FSHR: variants seen among roughly 807,000 people sequenced by gnomAD.
The protein encoded by FSHR is follicle-stimulating hormone receptor.
Under a neutral mutation model 52.1 loss-of-function variants are expected in FSHR, and 46 were observed. That is an observed-to-expected ratio of 0.88 (90% CI 0.70 to 1.13). FSHR has a LOEUF of 1.13. FSHR is among the 50% of genes most tolerant of loss of function. The probability of loss-of-function intolerance (pLI) is 0.00; values close to 1 mark genes in which losing one functional copy is unlikely to be tolerated. For missense variants in FSHR, 964 were observed against 834.6 expected (o/e 1.16, Z -1.91); for synonymous variants, 399 against 309.6 (o/e 1.29, Z -3.03).
chr2:49,099,027 G>A (rs62162135), intron 1 of FSHR, among the ~76,000 whole-genome samples: 21,573 of 151,570 alleles, frequency 0.14, 1,594 homozygotes, highest in East Asian at 0.24. Flanking sequence ...GTGGAAGAAA[G>A]AAGAATCACA....
chr2:49,071,787 A>G (rs60433531), intron 1 of FSHR, among the ~76,000 whole-genome samples: 21,676 of 147,964 alleles, frequency 0.15, 1,547 homozygotes, highest in Middle Eastern at 0.2. Flanking sequence ...GACAGGCATC[A>G]CGTGGCAACG....
chr2:49,093,868 A>G (rs1164082087), intron 1 of FSHR, among the ~76,000 whole-genome samples: 1 of 152,160 alleles, frequency 6.6e-6, no homozygotes, highest in Non-Finnish European at 1.5e-5. Flanking sequence ...AATTGCTAGG[A>G]TTATAGGCAT....
chr2:49,021,882 T>TAGAGAGAG (rs1225380156), intron 2 of FSHR, among the ~76,000 whole-genome samples: 7 of 43,922 alleles, frequency 1.6e-4, no homozygotes, highest in East Asian at 1.3e-3. Context: ...TATATATATA[T>TAGAGAGAG]ATATAGAGAG....
chr2:49,007,537 G>C (rs1178638881), intron 4 of FSHR, among the ~76,000 whole-genome samples: 4 of 152,144 alleles, frequency 2.6e-5, no homozygotes, highest in Non-Finnish European at 5.9e-5. Context: ...TTTTAGAATT[G>C]TGCAGGATAA....
chr2:48,967,931 G>A (rs1674550358), intron 9 of FSHR, among the ~76,000 whole-genome samples: 1 of 152,200 alleles, frequency 6.6e-6, no homozygotes, highest in Non-Finnish European at 1.5e-5. Context: ...TTATGTAGGT[G>A]AGCTCAGAGG....
intron 6 of FSHR, among the ~76,000 whole-genome samples, chr2:48,986,300 T>A (rs936253806): frequency 2.0e-5 from 3 of 152,138 alleles, no homozygotes; most frequent in African/African-American, 7.2e-5. Flanking sequence ...AAGGGCATGA[T>A]CTTGTTCTTT....
At chr2:49,125,408 G>A (rs1042044561) in intron 1 of FSHR, among the ~76,000 whole-genome samples, 3 of 152,174 alleles carry the variant, frequency 2.0e-5, no homozygotes, top group Non-Finnish European at 4.4e-5. Flanking sequence ...TGGGCCTCAT[G>A]CAGCCTGTGA....
intron 1 of FSHR, among the ~76,000 whole-genome samples, chr2:49,141,241 T>C (rs1272655786): frequency 1.3e-5 from 2 of 151,892 alleles, no homozygotes; most frequent in Non-Finnish European, 2.9e-5. Flanking sequence ...TGTACCCATC[T>C]GTGTTAGGCT....
chr2:49,007,099 A>G (rs1368701863), intron 4 of FSHR, among the ~76,000 whole-genome samples: 1 of 152,122 alleles, frequency 6.6e-6, no homozygotes. Flanking sequence ...AGGATGGAGG[A>G]GAAATGGGGA....
chr2:49,123,963 C>G (rs950626738), intron 1 of FSHR, among the ~76,000 whole-genome samples: 6 of 151,630 alleles, frequency 4.0e-5, no homozygotes, highest in African/African-American at 7.3e-5. Context: ...TATAATGTAA[C>G]TCTTCAAGAG....
At chr2:49,133,274 C>A (rs1056542377) in intron 1 of FSHR, among the ~76,000 whole-genome samples, 1 of 152,180 alleles carries the variant, frequency 6.6e-6, no homozygotes, top group Non-Finnish European at 1.5e-5. Context: ...AAGGCTCTAC[C>A]TTGACCATGA....
At chr2:49,105,760 T>C (rs760488224) in intron 1 of FSHR, among the ~76,000 whole-genome samples, 3 of 152,122 alleles carry the variant, frequency 2.0e-5, no homozygotes, top group Non-Finnish European at 4.4e-5. Context: ...TCAAGGCCAC[T>C]GAGCAGACAA....
chr2:49,094,420 T>C (rs895934984), intron 1 of FSHR, among the ~76,000 whole-genome samples: 1 of 152,196 alleles, frequency 6.6e-6, no homozygotes, highest in African/African-American at 2.4e-5. Flanking sequence ...CATTTTGCCA[T>C]TTCTGTTGCA....
In FSHR at chr2:48,989,273, CTTTTTTT is replaced by C. The variant is rs70946840; in HGVS notation, c.447-226_447-220del. 2.2e-3 allele frequency among the ~76,000 whole-genome samples: 269 copies of C among 120,790 alleles called. 1 individual carries two copies. In the Middle Eastern group the frequency reaches 0.026, roughly 12 times the overall value. 79.2% of individuals were successfully genotyped at this position (120,790 alleles called of 152,430 possible). ...AAATGGAATTGCAGACATTCAGTGT[CTTTTTTT>C]TTTTTTTTTTTTTTTTTTAAGACAG... is the stretch of plus-strand genomic sequence containing the variant. On this transcript the variant is annotated intron_variant, in intron 5 of 9. Coordinates refer to ENST00000406846, the MANE Select transcript of FSHR (RefSeq NM_000145.4).
intron 1 of FSHR, among the ~76,000 whole-genome samples, chr2:49,122,762 T>A (rs895043945): frequency 2.0e-5 from 3 of 152,210 alleles, no homozygotes; most frequent in African/African-American, 7.2e-5. Context: ...TCCCTCCTGG[T>A]GAAGAGGGCT....
At chr2:49,014,479 C>A (rs1318665215) in intron 4 of FSHR, among the ~76,000 whole-genome samples, 1 of 152,092 alleles carries the variant, frequency 6.6e-6, no homozygotes. Flanking sequence ...TTCCTCTGTT[C>A]TCCCTCTCTC....
chr2:49,127,885 TCTTCTTC>T lies in FSHR; in HGVS notation c.152+26374_152+26380del, dbSNP rs1558457033. Among the ~76,000 whole-genome samples, 40 of 46,516 alleles carry T rather than the reference TCTTCTTC, an allele frequency of 8.6e-4. 1 individual carries two copies. Among genetic ancestry groups the T allele is most frequent in the African/African-American group, 3.4e-3 (20 of 5,936 alleles). The allele number at this position is 46,516 out of a possible 152,430, so 30.5% of individuals were successfully genotyped here. The stretch of plus-strand genomic sequence containing the variant: ...TTCTTCTTCTTCTTCTTCTTCTTCT[TCTTCTTC>T]TTCTTCTTTTTTTTTTTTGAGACGG... On this transcript the variant is annotated intron_variant, in intron 1 of 9. Coordinates refer to ENST00000406846, the MANE Select transcript of FSHR (RefSeq NM_000145.4).
intron 2 of FSHR, among the ~76,000 whole-genome samples, chr2:49,033,878 G>A (rs186548135): frequency 1.3e-5 from 2 of 152,228 alleles, no homozygotes; most frequent in Non-Finnish European, 2.9e-5. Flanking sequence ...TATTTTTAGA[G>A]CTTTAAGTCC....
At chr2:49,061,723 TA>T (rs898366071) in intron 2 of FSHR, among the ~76,000 whole-genome samples, 39 of 140,260 alleles carry the variant, frequency 2.8e-4, no homozygotes, top group Non-Finnish European at 5.2e-4. Context: ...TAACTATATA[TA>T]AAAATATATA....
Sources: allele counts gnomAD v4.1 joint callset (sites outside exome capture counted in the v4.1 genomes callset), GRCh38; gene constraint gnomAD v4.1.1; transcripts MANE v1.5; gene names NCBI Gene and HGNC (gene_info 2026-07-23, HGNC 2026-07-21).